RELN: variants seen among roughly 807,000 people sequenced by gnomAD.
RELN encodes reelin.
In RELN, 108 loss-of-function variants were observed where a neutral mutation model predicts 427.6. The ratio of observed to expected loss-of-function variants is 0.25; its 90% confidence interval spans 0.22 to 0.30. RELN has a LOEUF of 0.30. Among genes scored for constraint, RELN ranks in the 10% least tolerant of loss-of-function variants. RELN has a pLI of 1.00. For missense variants in RELN, 3,715 were observed against 4,302.8 expected, an observed-to-expected ratio of 0.86 and a Z score of 3.82; for synonymous variants, 1,524 against 1,513.4, an observed-to-expected ratio of 1.01 and a Z score of -0.16.
At chr7:103,631,810 T>C (rs1318613638) in intron 19 of RELN, among the ~76,000 whole-genome samples, 1 of 151,988 alleles carries the variant, frequency 6.6e-6, no homozygotes, top group Non-Finnish European at 1.5e-5. Context: ...AGAAAGAAAC[T>C]AAATAAACTA....
chr7:103,963,134 C>CTTCTTTT (rs762071188), intron 1 of RELN, among the ~76,000 whole-genome samples: 1 of 139,312 alleles, frequency 7.2e-6, no homozygotes, highest in Non-Finnish European at 1.5e-5. Flanking sequence ...TTTTCGCCTT[C>CTTCTTTT]TTTTTTTTTT....
chr7:103,870,325 A>G (rs1424416401), intron 2 of RELN, among the ~76,000 whole-genome samples: 1 of 151,972 alleles, frequency 6.6e-6, no homozygotes. Context: ...TAATGATACA[A>G]TGTAGAGAAT....
At chr7:103,614,966 T>G (rs1450660107) in intron 20 of RELN, among the ~76,000 whole-genome samples, 1 of 152,268 alleles carries the variant, frequency 6.6e-6, no homozygotes, top group Non-Finnish European at 1.5e-5. Context: ...TCCTTTAACT[T>G]ACAAAACTGC....
chr7:103,955,210 G>T (rs1796409410), intron 1 of RELN, among the ~76,000 whole-genome samples: 1 of 152,168 alleles, frequency 6.6e-6, no homozygotes, highest in Admixed American at 6.5e-5. Flanking sequence ...GAGACCTTGA[G>T]TGATAATCTG....
chr7:103,695,820 C>T (rs1011645775), intron 10 of RELN, among the ~76,000 whole-genome samples: 4 of 152,056 alleles, frequency 2.6e-5, no homozygotes, highest in East Asian at 1.9e-4. Flanking sequence ...GCTATTCTGA[C>T]GAATGTTTTT....
chr7:103,599,345 C>A (rs1008656343), intron 24 of RELN, among the ~76,000 whole-genome samples: 4 of 152,158 alleles, frequency 2.6e-5, no homozygotes, highest in African/African-American at 9.7e-5. Context: ...TCACAGACTT[C>A]TGGCAGAGAC....
intron 2 of RELN, among the ~76,000 whole-genome samples, chr7:103,864,383 C>A (rs1794143749): frequency 6.6e-6 from 1 of 152,170 alleles, no homozygotes; most frequent in Admixed American, 6.5e-5. Context: ...CAATGCTGTG[C>A]AGCACACCTC....
chr7:103,793,931 TA>T (rs1176858520), intron 3 of RELN, among the ~76,000 whole-genome samples: 1 of 152,064 alleles, frequency 6.6e-6, no homozygotes, highest in African/African-American at 2.4e-5. Context: ...TACGCCCGGC[TA>T]ATTTTTGTAC....
rs577947244 is a variant in RELN, at chr7:103,571,888, A to AT, written c.4588+295dup. Among the ~76,000 whole-genome samples the AT allele has an allele frequency of 3.9e-3, 592 of 151,494 alleles. 1 individual carries two copies. Among genetic ancestry groups the AT allele is most frequent in the African/African-American group, 0.01 (432 of 41,294 alleles). ...TAAGAGTCTCTGCTATTGTTTTGGG[A>AT]TTTTTTTTTGTGCCTCCCTGCGGAT... On this transcript the variant is annotated intron_variant, in intron 31 of 64. Transcript: ENST00000428762.
At chr7:103,965,158 G>A (rs1436968130) in intron 1 of RELN, among the ~76,000 whole-genome samples, 2 of 152,152 alleles carry the variant, frequency 1.3e-5, no homozygotes, top group Admixed American at 6.5e-5. Context: ...TACTTGCATA[G>A]ACCTTAAGGC....
chr7:103,491,898 C>CACACACACACAAA, intron 58 of RELN, 55 bp downstream of exon 58: 4 of 738,288 alleles, frequency 5.4e-6, no homozygotes, highest in South Asian at 1.6e-5. Flanking sequence ...ACACACACAA[C>CACACACACACAAA]GATTTGGATG....
intron 38 of RELN, among the ~76,000 whole-genome samples, chr7:103,554,993 T>C (rs545280696): frequency 3.2e-4 from 48 of 152,294 alleles, no homozygotes; most frequent in African/African-American, 1.2e-3. Context: ...AAGAAAAATA[T>C]TCTATGATCA....
chr7:103,739,168 A>G (rs781228413), intron 6 of RELN, among the ~76,000 whole-genome samples: 25 of 152,104 alleles, frequency 1.6e-4, no homozygotes, highest in Non-Finnish European at 3.4e-4. Context: ...AGGTATAATT[A>G]TTTTTCAAAA....
chr7:103,909,260 G>C (rs1349929929), intron 2 of RELN, among the ~76,000 whole-genome samples: 1 of 152,010 alleles, frequency 6.6e-6, no homozygotes, highest in East Asian at 1.9e-4. Flanking sequence ...GCGATAATTA[G>C]CAAGTTTGTA....
At chr7:103,574,046 G>T (rs546123765) in intron 30 of RELN, 46 bp downstream of exon 30, 20 of 1,414,214 alleles carry the variant, frequency 1.4e-5, no homozygotes, top group Non-Finnish European at 2.0e-5. Flanking sequence ...ACATCGTGTG[G>T]TAAATAATAT....
Position 103,640,581 on chromosome 7 carries a change from G to C in RELN, c.2031C>G (p.Phe677Leu). The C allele has an allele frequency of 6.2e-7, 1 of 1,613,838 alleles. No individual in the cohort carries two copies. The highest frequency in any genetic ancestry group is 1.1e-5 in the South Asian group (1 of 91,078). The change falls in exon 17 of 65, where the codon TTC (phenylalanine) becomes TTG (leucine). Residue 677 changes from phenylalanine (F) to leucine (L), a missense_variant. This residue lies in a region of RELN where 2,208 missense variants were observed against 2,361.7 expected (regional missense o/e 0.93). Coordinates refer to ENST00000428762, the MANE Select transcript of RELN (RefSeq NM_005045.4). This position sits in a 1 kb window ranked among gnomAD's most constrained non-coding sequence, Gnocchi z 4.1. ...NVYIGPSCLK[F>L]CSGRGQCTRH... ...TAGTGCACTGTCCTCTGCCAGAACAGAATTTGAGACATGACGGGCCAATAT... is the reference window on the plus strand; with the variant it reads ...TAGTGCACTGTCCTCTGCCAGAACACAATTTGAGACATGACGGGCCAATAT...
intron 2 of RELN, among the ~76,000 whole-genome samples, chr7:103,854,683 G>T (rs1459261414): frequency 1.3e-5 from 2 of 152,140 alleles, no homozygotes; most frequent in African/African-American, 4.8e-5. Context: ...ACAGTGATGG[G>T]AATAAGAATA....
chr7:103,495,801 A>G lies in RELN; in HGVS notation c.9291T>C (p.Asn3097=). Residue 3097 remains asparagine (N), a synonymous_variant, in exon 57 of 65, where the codon AAT becomes AAC. Coordinates refer to ENST00000428762, the MANE Select transcript of RELN (RefSeq NM_005045.4). Reference sequence around the variant, plus strand: ...CATTGTGAGTCTTGTCCTTCTTTTTATTTGGCCAATAGAGGTGAAAGGATG... The same window carrying G: ...CATTGTGAGTCTTGTCCTTCTTTTTGTTTGGCCAATAGAGGTGAAAGGATG... ...GNPSFHLYWP[N]KKKDKTHNAL... The G allele has an allele frequency of 6.2e-7, 1 of 1,613,956 alleles. No individual in the cohort carries two copies. The highest frequency in any genetic ancestry group is 8.5e-7 in the Non-Finnish European group (1 of 1,179,964).
At position 103,603,454 on chromosome 7, in the gene RELN, T is replaced by C; in HGVS notation, c.3183A>G (p.Pro1061=). 2 of 1,613,966 alleles carry C rather than the reference T, an allele frequency of 1.2e-6. No individual in the cohort carries two copies. Among genetic ancestry groups the C allele is most frequent in the African/African-American group, 1.3e-5 (1 of 75,044 alleles). Residue 1061 remains proline, a synonymous_variant, in exon 24 of 65, where the codon CCA becomes CCG. Coordinates refer to ENST00000428762, the MANE Select transcript of RELN (RefSeq NM_005045.4). The surrounding 1 kb of genome is among the most constrained non-coding windows in gnomAD (Gnocchi z 4.3). ...TAATTGTGGACGGAAGGGCAGCTTC[T>C]GGGTGGCATTCAGTGCCTTGGTACC... ...DQGYQGTECH[P]EAALPSTIMS... is the part of the protein sequence containing the mutation.
Sources: allele counts gnomAD v4.1 joint callset (sites outside exome capture counted in the v4.1 genomes callset), GRCh38; gene constraint gnomAD v4.1.1; regional missense constraint gnomAD v4.1.1; non-coding constraint Gnocchi (gnomAD v3.1); transcripts MANE v1.5; gene names NCBI Gene and HGNC (gene_info 2026-07-23, HGNC 2026-07-21).